The following GRIPAP1 variants were observed in gnomAD, a reference collection of about 807,000 sequenced individuals.
GRIPAP1 encodes the protein GRIP1 associated protein 1, also known as GRIP1-associated protein 1.
GRIPAP1 carries 14 observed loss-of-function variants against 84.1 expected under a neutral mutation model. That is an observed-to-expected ratio of 0.17 (90% CI 0.11 to 0.26). GRIPAP1 has a LOEUF of 0.26. Ranked by LOEUF, GRIPAP1 falls within the 10% of genes least tolerant of loss-of-function variation. The pLI is 1.00. For missense variants in GRIPAP1, 518 were observed against 674.2 expected, an observed-to-expected ratio of 0.77 and a Z score of 2.57; for synonymous variants, 261 against 256.8, an observed-to-expected ratio of 1.02 and a Z score of -0.15.
rs782684993 is a variant in GRIPAP1, at chrX:48,976,568, C to T, written c.2062-205G>A. Among the ~76,000 whole-genome samples the T allele has an allele frequency of 2.1e-4, 23 of 111,593 alleles. No homozygotes were observed. The South Asian group carries it at 7.9e-3, about 38-fold the overall frequency. On this transcript the variant is annotated intron_variant, in intron 22 of 25. Transcript: ENST00000376423. ...GGGTAGAGAGTAACCACATCAGAGCCTTGTGGAGAGGATTGAAGGAAGATC... is the reference window on the plus strand; with the variant it reads ...GGGTAGAGAGTAACCACATCAGAGCTTTGTGGAGAGGATTGAAGGAAGATC...
chrX:48,983,986 T>G lies in GRIPAP1; in HGVS notation c.1177-116A>C, dbSNP rs1309565502. 2.1e-5 allele frequency: 11 copies of G among 527,290 alleles called. No homozygotes were observed. In the East Asian group the frequency reaches 3.7e-4, roughly 18 times the overall value. 43.5% of individuals were successfully genotyped at this position (527,290 alleles called of 1,213,427 possible). On this transcript the variant is annotated intron_variant, in intron 14 of 25. Transcript: ENST00000376423. ...CCCTGGTAAAGTTGGTATTGTGATC[T>G]CAATTTCTGGATAGGAAATATAGCA...
rs782093059 is a variant in GRIPAP1, at chrX:48,976,128, C to A, written c.2185-17G>T. On this transcript the variant is annotated splice_polypyrimidine_tract_variant and intron_variant, in intron 23 of 25. Coordinates refer to ENST00000376423, the MANE Select transcript of GRIPAP1 (RefSeq NM_020137.5). ...GTGCTTCACCTGCAAGATGGCCCAG[C>A]CCACCTGAGACCCCTCTACTGTACA... The A allele has an allele frequency of 1.9e-4, 232 of 1,205,933 alleles. No individual in the cohort carries two copies. The highest frequency in any genetic ancestry group is 1.8e-3 in the Middle Eastern group (8 of 4,363).
intron 1 of GRIPAP1, chrX:49,000,520 A>C (rs2064573486): frequency 9.3e-6 from 1 of 107,744 alleles, no homozygotes. Flanking sequence ...GTGAAACCTC[A>C]TCTCTACTAA....
At chrX:48,975,680 CA>C (rs1759470455) in intron 24 of GRIPAP1, 1 of 340,342 alleles carries the variant, frequency 2.9e-6, no homozygotes. Flanking sequence ...ACAATATAGA[CA>C]GCGAGACAAG....
chrX:48,981,179 A>T, intron 21 of GRIPAP1, 36 bp downstream of exon 21: 1 of 1,100,970 alleles, frequency 9.1e-7, no homozygotes, highest in Admixed American at 2.3e-5. Flanking sequence ...TACCTCCCCC[A>T]TGCCTCAGCC....
chrX:48,979,409 G>A (rs1355093178), intron 21 of GRIPAP1, among the ~76,000 whole-genome samples: 2 of 89,705 alleles, frequency 2.2e-5, no homozygotes, highest in Admixed American at 1.3e-4. Context: ...CCCGGGAGGC[G>A]GAGGTTGCAG....
chrX:48,985,406 G>T lies in GRIPAP1; in HGVS notation c.1042-4C>A. On this transcript the variant is annotated splice_polypyrimidine_tract_variant and splice_region_variant and intron_variant, in intron 13 of 25. Transcript: ENST00000376423. ...CTTGGGTCTTTGCTGTTTGGATCTG[G>T]AGAAAGTAGTGGTGATGAGAAGTAG... 8.3e-7 allele frequency: 1 copy of T among 1,208,517 alleles called. No homozygotes were observed. Among genetic ancestry groups the T allele is most frequent in the African/African-American group, 1.7e-5 (1 of 57,790 alleles).
Position 48,978,220 on chromosome X carries a change from G to A in GRIPAP1, c.2061+85C>T, listed in dbSNP as rs782484848. 1.3e-5 allele frequency: 13 copies of A among 1,039,874 alleles called. No individual in the cohort carries two copies. The Middle Eastern group carries it at 1.8e-3, about 145-fold the overall frequency. 85.7% of individuals were successfully genotyped at this position (1,039,874 alleles called of 1,213,427 possible). ...TGTGCTGCGCCCAAAGTAGGAGATG[G>A]GTTTAGGTGAGGAGAAAAGGGGAGG... On this transcript the variant is annotated intron_variant, in intron 22 of 25. Transcript: ENST00000376423.
At chrX:48,991,196 C>T in intron 6 of GRIPAP1, 86 bp from the exon 7 acceptor site, 1 of 667,129 alleles carries the variant, frequency 1.5e-6, no homozygotes, top group South Asian at 2.3e-5. Flanking sequence ...AACTGGCCTT[C>T]AACCCCTCAG....
At chrX:48,982,239 A>C (rs782592253) in intron 17 of GRIPAP1, among the ~76,000 whole-genome samples, 1 of 112,301 alleles carries the variant, frequency 8.9e-6, no homozygotes, top group Non-Finnish European at 1.9e-5. Flanking sequence ...GAGAGGTCAG[A>C]TAACTTGCCC....
At chrX:48,991,286 CTT>C (rs781898018) in intron 6 of GRIPAP1, 176 bp from the exon 7 acceptor site, 104 of 344,676 alleles carry the variant, frequency 3.0e-4, no homozygotes, top group Non-Finnish European at 3.8e-4. Flanking sequence ...ACATTTTTTT[CTT>C]TTTTTTTTTG....
chrX:48,978,460 T>C (rs1557061104), intron 21 of GRIPAP1, 25 bp from the exon 22 acceptor site: 3 of 1,168,635 alleles, frequency 2.6e-6, no homozygotes, highest in Non-Finnish European at 3.5e-6. Flanking sequence ...GAAGAGAAAC[T>C]TGAGCCCCAA....
chrX:48,975,071 G>T, intron 25 of GRIPAP1, 84 bp downstream of exon 25: 1 of 957,495 alleles, frequency 1.0e-6, no homozygotes, highest in Non-Finnish European at 1.4e-6. Flanking sequence ...TGGGCAAGGG[G>T]ACTGGCAGAT....
intron 1 of GRIPAP1, 147 bp from the exon 2 acceptor site, chrX:48,999,651 A>C (rs189990835): frequency 1.4e-4 from 62 of 448,955 alleles, no homozygotes; most frequent in African/African-American, 9.4e-4. Flanking sequence ...TGCTACACCC[A>C]AAGTGACCTT....
At position 48,981,661 on chromosome X, in the gene GRIPAP1, C is replaced by T; in HGVS notation, c.1708G>A (p.Asp570Asn). The stretch of plus-strand genomic sequence containing the variant: ...TCCTCCTGGGCCTGCTCGAGCTGAT[C>T]CCGTACATCCTGTAGCTCCTCCTCC... ...GKEEELQDVR[D>N]QLEQAQEERD... Residue 570 changes from aspartate (D) to asparagine (N), a missense_variant, in exon 19 of 26, where the codon GAT becomes AAT. By Grantham distance (23) the Asp-to-Asn change is conservative. This residue lies in a region of GRIPAP1 where 372 missense variants were observed against 458.1 expected (regional missense o/e 0.81). Coordinates refer to ENST00000376423, the MANE Select transcript of GRIPAP1 (RefSeq NM_020137.5). 8.3e-7 allele frequency: 1 copy of T among 1,209,228 alleles called. No individual in the cohort carries two copies. The highest frequency in any genetic ancestry group is 1.1e-6 in the Non-Finnish European group (1 of 892,961).
intron 13 of GRIPAP1, 134 bp downstream of exon 13, chrX:48,987,651 A>C: frequency 4.4e-6 from 2 of 458,416 alleles, no homozygotes; most frequent in Non-Finnish European, 7.6e-6. Context: ...CTGGACGCCA[A>C]CAGAAAGGAG....
chrX:48,998,590 G>A (rs1388940824), intron 3 of GRIPAP1, among the ~76,000 whole-genome samples: 1 of 112,035 alleles, frequency 8.9e-6, no homozygotes, highest in Non-Finnish European at 1.9e-5. Flanking sequence ...GGAAACTGTC[G>A]CTCCCCTACT....
chrX:48,991,156 A>C (rs1557065423), intron 6 of GRIPAP1, 46 bp from the exon 7 acceptor site: 1 of 965,200 alleles, frequency 1.0e-6, no homozygotes, highest in Admixed American at 2.2e-5. Context: ...TGGTCTCTGA[A>C]GTCCCTTGCC....
intron 14 of GRIPAP1, among the ~76,000 whole-genome samples, chrX:48,984,137 A>G (rs1472769438): frequency 9.0e-6 from 1 of 111,379 alleles, no homozygotes; most frequent in Non-Finnish European, 1.9e-5. Flanking sequence ...TGGCCATGTG[A>G]TTTATTTCTG....
Sources: allele counts gnomAD v4.1 joint callset (sites outside exome capture counted in the v4.1 genomes callset), GRCh38; gene constraint gnomAD v4.1.1; regional missense constraint gnomAD v4.1.1; transcripts MANE v1.5; gene names NCBI Gene and HGNC (gene_info 2026-07-23, HGNC 2026-07-21).